CADPS: variants seen among roughly 807,000 people sequenced by gnomAD.
The protein encoded by CADPS is calcium-dependent secretion activator 1.
Under a neutral mutation model 167.3 loss-of-function variants are expected in CADPS, and 57 were observed. The ratio of observed to expected loss-of-function variants is 0.34; its 90% confidence interval spans 0.28 to 0.42. The LOEUF is 0.42. Among genes scored for constraint, CADPS ranks in the 20% least tolerant of loss-of-function variants. CADPS has a pLI of 1.00. For missense variants in CADPS, 1,414 were observed against 1,738.1 expected (o/e 0.81, Z 3.32); for synonymous variants, 676 against 635.3 (o/e 1.06, Z -0.96).
rs1031799792 is a variant in CADPS, at chr3:62,458,590, G to A, written c.3636+6777C>T. Among the ~76,000 whole-genome samples, 1 of 152,138 alleles carries A rather than the reference G, an allele frequency of 6.6e-6. No individual in the cohort carries two copies. On this transcript the variant is annotated intron_variant, in intron 26 of 29. Coordinates refer to ENST00000383710, the MANE Select transcript of CADPS (RefSeq NM_003716.4). This position sits in a 1 kb window ranked among gnomAD's most constrained non-coding sequence, Gnocchi z 4.6. Reference sequence around the variant, plus strand: ...TACAACCTCCGCCTCCCGAGTTCAAGCAATTCTCCTGGCTCAGCCTCTCAA... The same window carrying A: ...TACAACCTCCGCCTCCCGAGTTCAAACAATTCTCCTGGCTCAGCCTCTCAA...
chr3:62,805,300 C>T (rs2094021735), intron 1 of CADPS, among the ~76,000 whole-genome samples: 2 of 152,188 alleles, frequency 1.3e-5, no homozygotes, highest in Admixed American at 1.3e-4. Flanking sequence ...TGTATCCATC[C>T]TCTCAGTTAC....
At chr3:62,614,763 C>T (rs1232885737) in intron 6 of CADPS, among the ~76,000 whole-genome samples, 1 of 152,124 alleles carries the variant, frequency 6.6e-6, no homozygotes, top group African/African-American at 2.4e-5. Flanking sequence ...TCAGACACAC[C>T]TGGGTTTCCT....
intron 1 of CADPS, among the ~76,000 whole-genome samples, chr3:62,842,882 A>G (rs1361731339): frequency 6.6e-6 from 1 of 152,256 alleles, no homozygotes; most frequent in Non-Finnish European, 1.5e-5. Flanking sequence ...TTATGCAAAC[A>G]TATCTGTACT....
intron 17 of CADPS, among the ~76,000 whole-genome samples, chr3:62,507,597 G>T (rs1161254898): frequency 6.6e-6 from 1 of 151,862 alleles, no homozygotes; most frequent in Non-Finnish European, 1.5e-5. Flanking sequence ...TATTCCCTTG[G>T]CTCTCAAAGT....
At chr3:62,827,743 G>A (rs2074329004) in intron 1 of CADPS, among the ~76,000 whole-genome samples, 1 of 152,100 alleles carries the variant, frequency 6.6e-6, no homozygotes, top group Non-Finnish European at 1.5e-5. Flanking sequence ...GTTACAGATG[G>A]TCCAGATTAA....
intron 27 of CADPS, 130 bp downstream of exon 27, chr3:62,445,635 A>G (rs2057081466): frequency 1.8e-6 from 1 of 559,678 alleles, no homozygotes; most frequent in African/African-American, 2.0e-5. Flanking sequence ...GATCCAAGTC[A>G]GCAACACACA....
intron 3 of CADPS, among the ~76,000 whole-genome samples, chr3:62,728,294 G>A (rs2077122458): frequency 6.6e-6 from 1 of 151,762 alleles, no homozygotes; most frequent in African/African-American, 2.4e-5. Context: ...AGCAAAGATT[G>A]TCCTCCTCTC....
intron 3 of CADPS, among the ~76,000 whole-genome samples, chr3:62,716,123 G>A (rs990019506): frequency 7.2e-5 from 11 of 152,176 alleles, no homozygotes; most frequent in Admixed American, 2.0e-4. Flanking sequence ...GTAGTGGCAT[G>A]ATCTTGGCTC....
intron 11 of CADPS, among the ~76,000 whole-genome samples, chr3:62,543,415 C>T (rs879101504): frequency 5.3e-5 from 8 of 152,098 alleles, no homozygotes. Flanking sequence ...GAACAGAATT[C>T]ATTCAGTTAA....
intron 26 of CADPS, among the ~76,000 whole-genome samples, chr3:62,449,025 C>T (rs955345867): frequency 2.0e-5 from 3 of 152,148 alleles, no homozygotes; most frequent in Admixed American, 6.5e-5. Flanking sequence ...AAAAGATGGG[C>T]TAATTGCAAA....
At chr3:62,760,196 C>A (rs1330651634) in intron 2 of CADPS, among the ~76,000 whole-genome samples, 2 of 151,950 alleles carry the variant, frequency 1.3e-5, no homozygotes, top group East Asian at 3.9e-4. Flanking sequence ...CATTTCTAAC[C>A]TTAATATATT....
chr3:62,778,228 GA>G (rs1393889624), intron 1 of CADPS, among the ~76,000 whole-genome samples: 1 of 152,168 alleles, frequency 6.6e-6, no homozygotes, highest in Admixed American at 6.6e-5. Flanking sequence ...ATACTCCATG[GA>G]ATACTACTGC....
chr3:62,715,161 T>C (rs553232517), intron 3 of CADPS, among the ~76,000 whole-genome samples: 1 of 151,918 alleles, frequency 6.6e-6, no homozygotes, highest in Admixed American at 6.6e-5. Context: ...GAATGGGGGG[T>C]GCAAAGATGA....
intron 17 of CADPS, among the ~76,000 whole-genome samples, chr3:62,509,246 G>A (rs543571707): frequency 6.9e-6 from 1 of 145,422 alleles, no homozygotes; most frequent in Admixed American, 7.1e-5. Flanking sequence ...AGATGTTGTG[G>A]TGAGCCAGGA....
chr3:62,485,231 GA>G lies in CADPS; in HGVS notation c.3027-3363del, dbSNP rs1167854527. ...CCCCATTGAGAATGTATCATCTACA[GA>G]AAAAAAAAAAATTCCAAACTTTGTG... On this transcript the variant is annotated intron_variant, in intron 21 of 29. Transcript: ENST00000383710. Among the ~76,000 whole-genome samples, 380 of 144,054 alleles carry G rather than the reference GA, an allele frequency of 2.6e-3. 3 individuals are homozygous for G. Among genetic ancestry groups the G allele is most frequent in the African/African-American group, 8.2e-3 (324 of 39,492 alleles). The allele number at this position is 144,054 out of a possible 152,430, so 94.5% of individuals were successfully genotyped here. A position where few individuals can be genotyped will look rare whatever the true frequency, so the allele number is the denominator to read the frequency against.
chr3:62,556,665 T>C (rs965401707), intron 10 of CADPS, among the ~76,000 whole-genome samples: 2 of 152,046 alleles, frequency 1.3e-5, no homozygotes, highest in African/African-American at 4.8e-5. Context: ...TCTTTGAGGC[T>C]GATTTCTATT....
intron 1 of CADPS, among the ~76,000 whole-genome samples, chr3:62,793,886 T>C (rs1002078624): frequency 6.6e-6 from 1 of 151,910 alleles, no homozygotes; most frequent in African/African-American, 2.4e-5. Flanking sequence ...AGAGAAAGAG[T>C]TCCAATTAAC....
chr3:62,536,321 C>A, intron 12 of CADPS, 124 bp downstream of exon 12: 1 of 813,266 alleles, frequency 1.2e-6, no homozygotes, highest in Non-Finnish European at 1.9e-6. Flanking sequence ...AAATCGGGAA[C>A]ACATTTATAA....
At chr3:62,682,330 T>G (rs958427024) in intron 3 of CADPS, among the ~76,000 whole-genome samples, 6 of 152,032 alleles carry the variant, frequency 3.9e-5, no homozygotes, top group African/African-American at 1.2e-4. Context: ...AATCACTAAA[T>G]GACCAGAAAA....
Sources: gnomAD v4.1 joint callset for allele counts (sites outside exome capture counted in the v4.1 genomes callset) on GRCh38, gnomAD v4.1.1 for gene constraint, Gnocchi (gnomAD v3.1) non-coding constraint, MANE v1.5 for transcripts, NCBI Gene and HGNC (gene_info 2026-07-23, HGNC 2026-07-21) for gene names.